Variants in SHOC2 observed in about 807,000 individuals in gnomAD.
The protein encoded by SHOC2 is SHOC2 leucine rich repeat scaffold protein, also known as leucine-rich repeat protein SHOC-2.
A neutral mutation model predicts 50.2 loss-of-function variants in SHOC2; 4 were observed. The ratio of observed to expected loss-of-function variants is 0.08; its 90% confidence interval spans 0.04 to 0.18. SHOC2 has a LOEUF of 0.18. Ranked by LOEUF, SHOC2 falls within the 10% of genes least tolerant of loss-of-function variation. The pLI is 1.00. For missense variants in SHOC2, 388 were observed against 669.6 expected (o/e 0.58, Z 4.64); for synonymous variants, 218 against 244.5 (o/e 0.89, Z 1.01).
intron 2 of SHOC2, among the ~76,000 whole-genome samples, chr10:110,973,990 TA>T (rs1168780169): frequency 1.3e-5 from 2 of 151,942 alleles, no homozygotes; most frequent in African/African-American, 4.8e-5. Flanking sequence ...ACTGATCTTT[TA>T]AAAATTCTTT....
At chr10:110,978,389 A>G (rs1208472293) in intron 2 of SHOC2, among the ~76,000 whole-genome samples, 1 of 152,184 alleles carries the variant, frequency 6.6e-6, no homozygotes, top group Non-Finnish European at 1.5e-5. Flanking sequence ...CTAGGCGGTT[A>G]AATTGCTGTT....
At chr10:110,983,554 T>A (rs1238612304) in intron 2 of SHOC2, among the ~76,000 whole-genome samples, 7 of 152,194 alleles carry the variant, frequency 4.6e-5, no homozygotes, top group Admixed American at 2.0e-4. Flanking sequence ...CATTTTTACT[T>A]GTAGAGTTCA....
intron 3 of SHOC2, among the ~76,000 whole-genome samples, chr10:110,986,527 G>A (rs1848080001): frequency 6.6e-6 from 1 of 151,974 alleles, no homozygotes; most frequent in Admixed American, 6.5e-5. Flanking sequence ...AGGCTGGAGT[G>A]CAGTGGCGTG....
At chr10:110,985,045 G>C (rs1848052221) in intron 2 of SHOC2, among the ~76,000 whole-genome samples, 1 of 152,048 alleles carries the variant, frequency 6.6e-6, no homozygotes, top group South Asian at 2.1e-4. Context: ...TAGCTAACTG[G>C]ATATTAAGAA....
intron 3 of SHOC2, among the ~76,000 whole-genome samples, chr10:110,992,183 C>G (rs1413994654): frequency 6.6e-6 from 1 of 151,988 alleles, no homozygotes; most frequent in African/African-American, 2.4e-5. Flanking sequence ...CCATTTACTT[C>G]CAGGCTGAGA....
chr10:110,926,301 G>C (rs1199213428), intron 1 of SHOC2, among the ~76,000 whole-genome samples: 1 of 152,186 alleles, frequency 6.6e-6, no homozygotes, highest in African/African-American at 2.4e-5. Context: ...GACTTTGTAG[G>C]TTCCAAGTGG....
chr10:110,976,153 G>A (rs1398092766), intron 2 of SHOC2, among the ~76,000 whole-genome samples: 1 of 151,988 alleles, frequency 6.6e-6, no homozygotes, highest in African/African-American at 2.4e-5. Flanking sequence ...CAGGTGATCC[G>A]CCTGCCTCGG....
chr10:110,943,495 G>A (rs912331267), intron 1 of SHOC2, among the ~76,000 whole-genome samples: 10 of 152,036 alleles, frequency 6.6e-5, no homozygotes, highest in Non-Finnish European at 1.3e-4. Flanking sequence ...AGTTCTACAG[G>A]CATGTTTTCC....
rs1060504382 is a variant in SHOC2 at position 111,011,734 on chromosome 10, C to T, written c.1665C>T (p.His555=). The T allele has an allele frequency of 5.0e-6, 8 of 1,613,902 alleles. No individual in the cohort carries two copies. Among genetic ancestry groups the T allele is most frequent in the South Asian group, 1.1e-5 (1 of 91,084 alleles). The stretch of plus-strand genomic sequence containing the variant: ...GTATTGAGAACTGTCCACTCAGTCA[C>T]CTTCCACCTCAGATTGTTGCTGGGG... ...IMSIENCPLS[H]LPPQIVAGGP... is the part of the protein sequence containing the mutation. The change falls in exon 9 of 9, where the codon CAC becomes CAT. Residue 555 remains histidine, a synonymous_variant. Transcript: ENST00000369452.
At position 111,000,822 on chromosome 10, in the gene SHOC2, G is replaced by A. The variant is rs192972177; in HGVS notation, c.972+277G>A. Among the ~76,000 whole-genome samples the A allele has an allele frequency of 3.9e-3, 599 of 152,180 alleles. 5 individuals are homozygous for A. Among genetic ancestry groups the A allele is most frequent in the African/African-American group, 0.014 (580 of 41,520 alleles). On this transcript the variant is annotated intron_variant, in intron 4 of 8. Transcript: ENST00000369452. ...GTGCTGTATTCTACTTTAGCACCAT[G>A]TAAATCTTTCTCATTTCATTTTGGG...
chr10:111,004,375 C>T (rs1313741107), intron 4 of SHOC2, among the ~76,000 whole-genome samples: 1 of 152,146 alleles, frequency 6.6e-6, no homozygotes, highest in Non-Finnish European at 1.5e-5. Context: ...TTTCTGTTTC[C>T]TCCTATAAAA....
intron 1 of SHOC2, among the ~76,000 whole-genome samples, chr10:110,936,176 A>G (rs1847006213): frequency 6.8e-6 from 1 of 147,380 alleles, no homozygotes; most frequent in Non-Finnish European, 1.5e-5. Flanking sequence ...GGCTCACTGC[A>G]ACCTCCGCCT....
chr10:111,007,924 A>G (rs555143659), intron 6 of SHOC2, among the ~76,000 whole-genome samples: 114 of 152,084 alleles, frequency 7.5e-4, no homozygotes, highest in Middle Eastern at 6.8e-3. Context: ...CTGTAAAAGC[A>G]TCTTTTAGAA....
intron 1 of SHOC2, among the ~76,000 whole-genome samples, chr10:110,924,645 C>T (rs1175889410): frequency 6.6e-6 from 1 of 152,162 alleles, no homozygotes; most frequent in Non-Finnish European, 1.5e-5. Flanking sequence ...TTTAAAACTT[C>T]ACCTTCAACA....
At chr10:111,003,599 A>G (rs1387686377) in intron 4 of SHOC2, among the ~76,000 whole-genome samples, 2 of 152,224 alleles carry the variant, frequency 1.3e-5, no homozygotes, top group Non-Finnish European at 1.5e-5. Flanking sequence ...AACTTGCCAA[A>G]GTCACAAGCT....
chr10:111,004,193 A>G (rs776307504), intron 4 of SHOC2, among the ~76,000 whole-genome samples: 10 of 152,244 alleles, frequency 6.6e-5, no homozygotes, highest in African/African-American at 9.6e-5. Context: ...TTGGTCACAC[A>G]GCCAGTGGCA....
intron 1 of SHOC2, among the ~76,000 whole-genome samples, chr10:110,963,592 T>C (rs1847614706): frequency 6.6e-6 from 1 of 152,218 alleles, no homozygotes; most frequent in African/African-American, 2.4e-5. Context: ...CAATTAATTG[T>C]AGCTAGAACT....
In SHOC2 at chr10:111,011,691, G is replaced by T; in HGVS notation, c.1622G>T (p.Ser541Ile). ...HSLPFELALC[S>I]KLSIMSIENC... ...CTTCCCTTTGAGCTGGCACTCTGCA[G>T]CAAGCTTTCAATCATGAGTATTGAG... The change falls in exon 9 of 9, where the codon AGC (serine) becomes ATC (isoleucine). Residue 541 changes from serine (S) to isoleucine (I), a missense_variant. Ser to Ile is a moderately radical substitution (Grantham distance 142). This residue lies in a region of SHOC2 where 130 missense variants were observed against 208.6 expected (regional missense o/e 0.62). Transcript: ENST00000369452. 2 of 1,613,920 alleles carry T rather than the reference G, an allele frequency of 1.2e-6. No individual in the cohort carries two copies. The highest frequency in any genetic ancestry group is 1.7e-6 in the Non-Finnish European group (2 of 1,179,914).
chr10:111,011,448 G>T (rs1848563875), intron 8 of SHOC2, among the ~76,000 whole-genome samples, 162 bp from the exon 9 acceptor site: 1 of 152,066 alleles, frequency 6.6e-6, no homozygotes, highest in African/African-American at 2.4e-5. Flanking sequence ...TGAATATGCA[G>T]CAAAATTTGA....
Sources: gnomAD v4.1 joint callset for allele counts (sites outside exome capture counted in the v4.1 genomes callset) on GRCh38, gnomAD v4.1.1 for gene constraint, gnomAD v4.1.1 regional missense constraint, MANE v1.5 for transcripts, NCBI Gene and HGNC (gene_info 2026-07-23, HGNC 2026-07-21) for gene names.